The following RANBP9 variants were observed in gnomAD, a reference collection of about 807,000 sequenced individuals.
The protein encoded by RANBP9 is RAN binding protein 9.
Under a neutral mutation model 84.3 loss-of-function variants are expected in RANBP9, and 15 were observed. That is an observed-to-expected ratio of 0.18 (90% CI 0.12 to 0.27). RANBP9 has a LOEUF of 0.27. RANBP9 is among the 10% of genes least tolerant of loss of function. The probability of loss-of-function intolerance (pLI) is 1.00; values close to 1 mark genes in which losing one functional copy is unlikely to be tolerated. For missense variants in RANBP9, 809 were observed against 912.8 expected, an observed-to-expected ratio of 0.89 and a Z score of 1.46; for synonymous variants, 392 against 349.6, an observed-to-expected ratio of 1.12 and a Z score of -1.35.
chr6:13,625,429 A>C (rs781134459), intron 13 of RANBP9, among the ~76,000 whole-genome samples: 25 of 152,142 alleles, frequency 1.6e-4, no homozygotes, highest in Non-Finnish European at 2.9e-4. Context: ...TCTATTTCCC[A>C]AACATCCCAA....
chr6:13,711,682 G>A lies in RANBP9; in HGVS notation c.-177C>T, dbSNP rs1458463032. 4 of 423,004 alleles carry A rather than the reference G, an allele frequency of 9.5e-6. No homozygotes were observed. In the East Asian group the frequency reaches 1.5e-4, roughly 16 times the overall value. 26.2% of individuals were successfully genotyped at this position (423,004 alleles called of 1,614,324 possible). On this transcript the variant is annotated 5_prime_UTR_variant, in exon 1 of 14. Transcript: ENST00000011619. ...GCGGTTGAGGAGCTCGGAGACGCGGGAGTAGGCGGCGGGCCCGGGAGGCCG... is the reference window on the plus strand; with the variant it reads ...GCGGTTGAGGAGCTCGGAGACGCGGAAGTAGGCGGCGGGCCCGGGAGGCCG...
chr6:13,632,058 T>C (rs1165999145), intron 12 of RANBP9, among the ~76,000 whole-genome samples: 2 of 142,920 alleles, frequency 1.4e-5, no homozygotes, highest in African/African-American at 2.6e-5. Context: ...AAAATAAAAC[T>C]AAGAAACTAA....
intron 10 of RANBP9, among the ~76,000 whole-genome samples, chr6:13,637,267 T>C (rs1037908292): frequency 2.6e-5 from 4 of 152,166 alleles, no homozygotes; most frequent in African/African-American, 9.7e-5. Flanking sequence ...CTCACACCAA[T>C]GTTTACTAAA....
At chr6:13,631,915 C>G (rs1017889400) in intron 12 of RANBP9, among the ~76,000 whole-genome samples, 6 of 152,204 alleles carry the variant, frequency 3.9e-5, no homozygotes, top group African/African-American at 1.2e-4. Flanking sequence ...TAATTCCCAT[C>G]AAAATGAGAA....
chr6:13,634,539 T>C lies in RANBP9; in HGVS notation c.1687A>G (p.Met563Val), dbSNP rs750101261. 3 of 1,605,968 alleles carry C rather than the reference T, an allele frequency of 1.9e-6. No individual in the cohort carries two copies. Among genetic ancestry groups the C allele is most frequent in the Admixed American group, 1.7e-5 (1 of 58,728 alleles). ...VNNFTSNDVD[M>V]ETDHYSNGVG... ...CCATTGGAGTAGTGATCTGTTTCCATGTCTACATCATTACTGAAAACGAAA... is the reference window on the plus strand; with the variant it reads ...CCATTGGAGTAGTGATCTGTTTCCACGTCTACATCATTACTGAAAACGAAA... The change falls in exon 11 of 14, where the codon ATG (methionine) becomes GTG (valine). Residue 563 changes from methionine (M) to valine (V), a missense_variant. Coordinates refer to ENST00000011619, the MANE Select transcript of RANBP9 (RefSeq NM_005493.3).
intron 2 of RANBP9, among the ~76,000 whole-genome samples, chr6:13,689,344 C>T (rs183989940): frequency 1.4e-5 from 2 of 147,444 alleles, no homozygotes; most frequent in South Asian, 2.2e-4. Flanking sequence ...GATCTCGGCT[C>T]ACTGCAACCT....
intron 10 of RANBP9, among the ~76,000 whole-genome samples, chr6:13,635,618 T>TAA (rs75512821): frequency 7.7e-5 from 10 of 129,820 alleles, no homozygotes; most frequent in Non-Finnish European, 1.2e-4. Flanking sequence ...ATTGTTAAGG[T>TAA]AAAAAAAAAA....
rs761628238 is a variant in RANBP9 at position 13,644,582 on chromosome 6, C to T, written c.1075G>A (p.Gly359Arg). 7 of 1,612,750 alleles carry T rather than the reference C, an allele frequency of 4.3e-6. No individual in the cohort carries two copies. Among genetic ancestry groups the T allele is most frequent in the Non-Finnish European group, 4.2e-6 (5 of 1,179,528 alleles). ...IQAQIDRFPI[G>R]DREGEWQTMI... ...GTCTGCCATTCTCCTTCTCGATCTC[C>T]GATAGGAAATCGATCTATCTGTGCC... Residue 359 changes from glycine to arginine, a missense_variant, in exon 6 of 14, where the codon GGA becomes AGA. By Grantham distance (125) the Gly-to-Arg change is moderately radical (BLOSUM62 -2). Coordinates refer to ENST00000011619, the MANE Select transcript of RANBP9 (RefSeq NM_005493.3).
At position 13,644,643 on chromosome 6, in the gene RANBP9, T is replaced by C. The variant is rs967749163; in HGVS notation, c.1014A>G (p.Ile338Met). 1.9e-6 allele frequency: 3 copies of C among 1,613,600 alleles called. No homozygotes were observed. The highest frequency in any genetic ancestry group is 1.1e-5 in the South Asian group (1 of 91,020). ...TTCTCCACTCCCGCATATAGTCTTC[T>C]ATATCAAACACGAAAGGATGTTGCC... ...NFGQHPFVFDIEDYMREWRTK... is the reference protein window; with the variant it reads ...NFGQHPFVFDMEDYMREWRTK... The change falls in exon 6 of 14, where the codon ATA (isoleucine) becomes ATG (methionine). Residue 338 changes from isoleucine to methionine, a missense_variant. Physicochemically the swap from Ile to Met is conservative, Grantham distance 10 (BLOSUM62 1). This residue lies in a region of RANBP9 where 216 missense variants were observed against 329.0 expected (regional missense o/e 0.66). Coordinates refer to ENST00000011619, the MANE Select transcript of RANBP9 (RefSeq NM_005493.3).
intron 2 of RANBP9, among the ~76,000 whole-genome samples, chr6:13,687,068 C>T (rs762098629): frequency 3.3e-4 from 50 of 152,062 alleles, no homozygotes; most frequent in Non-Finnish European, 5.9e-4. Context: ...GAATCTCAGA[C>T]GAATTCCCTC....
intron 13 of RANBP9, among the ~76,000 whole-genome samples, chr6:13,624,318 T>C (rs181312766): frequency 5.3e-5 from 8 of 152,310 alleles, no homozygotes; most frequent in African/African-American, 9.6e-5. Context: ...CTGGCCCTCA[T>C]TGCAAGTCTC....
At chr6:13,636,080 T>C (rs933250763) in intron 10 of RANBP9, among the ~76,000 whole-genome samples, 1 of 152,104 alleles carries the variant, frequency 6.6e-6, no homozygotes, top group African/African-American at 2.4e-5. Context: ...AGAACTGACA[T>C]CTGAACTTGA....
intron 6 of RANBP9, 37 bp downstream of exon 6, chr6:13,644,508 T>C: frequency 6.3e-7 from 1 of 1,578,962 alleles, no homozygotes; most frequent in Non-Finnish European, 8.6e-7. Flanking sequence ...AAAAAACAGA[T>C]TCTGAATAGC....
intron 2 of RANBP9, among the ~76,000 whole-genome samples, chr6:13,692,481 C>T (rs1406495130): frequency 7.9e-6 from 1 of 125,978 alleles, no homozygotes; most frequent in African/African-American, 3.0e-5. Context: ...GAGCTGAAAT[C>T]ACACCATCGC....
Position 13,705,390 on chromosome 6 carries a change from G to C in RANBP9, c.571+5545C>G, listed in dbSNP as rs150137622. ...CCACTGCACTTCGGCCTGGGCGACAGAGCAAGATTCTGTCTCAAAAAAAAA... is the reference window on the plus strand; with the variant it reads ...CCACTGCACTTCGGCCTGGGCGACACAGCAAGATTCTGTCTCAAAAAAAAA... On this transcript the variant is annotated intron_variant, in intron 1 of 13. Coordinates refer to ENST00000011619, the MANE Select transcript of RANBP9 (RefSeq NM_005493.3). Among the ~76,000 whole-genome samples, 192 of 98,076 alleles carry C rather than the reference G, an allele frequency of 2.0e-3. 2 individuals carry two copies. The highest frequency in any genetic ancestry group is 6.4e-3 in the African/African-American group (158 of 24,690). The allele number at this position is 98,076 out of a possible 152,430, so 64.3% of individuals were successfully genotyped here.
At chr6:13,689,996 G>A (rs1766285954) in intron 2 of RANBP9, among the ~76,000 whole-genome samples, 1 of 152,102 alleles carries the variant, frequency 6.6e-6, no homozygotes. Flanking sequence ...GTACAGCCCA[G>A]GTATGTAGTA....
intron 1 of RANBP9, among the ~76,000 whole-genome samples, chr6:13,709,439 T>C (rs976475663): frequency 1.3e-5 from 2 of 152,366 alleles, no homozygotes; most frequent in Middle Eastern, 3.4e-3. Flanking sequence ...TTTAAAATTA[T>C]AAAATTCTGT....
At chr6:13,706,397 T>C (rs1020743621) in intron 1 of RANBP9, among the ~76,000 whole-genome samples, 5 of 150,120 alleles carry the variant, frequency 3.3e-5, no homozygotes, top group African/African-American at 4.9e-5. Context: ...ACATTTCAAT[T>C]AAAAAGTGAA....
intron 11 of RANBP9, chr6:13,632,845 AAAAAAAAAAAAAGG>A (rs781600112): frequency 1.1e-5 from 2 of 174,670 alleles, no homozygotes; most frequent in South Asian, 3.3e-4. Context: ...ATTTAAAAAA[AAAAAAAAAAAAAGG>A]AAAACTGTTA....
Sources: allele counts gnomAD v4.1 joint callset (sites outside exome capture counted in the v4.1 genomes callset), GRCh38; gene constraint gnomAD v4.1.1; regional missense constraint gnomAD v4.1.1; transcripts MANE v1.5; gene names NCBI Gene and HGNC (gene_info 2026-07-23, HGNC 2026-07-21).